PHC2: variants seen among roughly 807,000 people sequenced by gnomAD.
The protein encoded by PHC2 is polyhomeotic-like protein 2.
PHC2 carries 29 observed loss-of-function variants against 87.4 expected under a neutral mutation model. The observed-to-expected ratio is 0.33, with a 90% confidence interval of 0.25 to 0.45. PHC2 has a LOEUF of 0.45. Among genes scored for constraint, PHC2 ranks in the 20% least tolerant of loss-of-function variants. The pLI, the probability that PHC2 is intolerant of heterozygous loss-of-function variation, is 1.00. For synonymous variants in PHC2, 438 were observed against 461.7 expected (o/e 0.95, Z 0.66); for missense variants, 857 against 1,136.7 (o/e 0.75, Z 3.54).
At chr1:33,352,495 T>C (rs1337930286) in intron 9 of PHC2, among the ~76,000 whole-genome samples, 1 of 152,194 alleles carries the variant, frequency 6.6e-6, no homozygotes, top group Non-Finnish European at 1.5e-5. Context: ...CAGAGAGGGC[T>C]CAGTAAATAT....
At chr1:33,333,792 C>T (rs749923040) in intron 10 of PHC2, 1 of 345,426 alleles carries the variant, frequency 2.9e-6, no homozygotes, top group Non-Finnish European at 5.3e-6. Context: ...AAATATCCCA[C>T]AGTGAACTCC....
In PHC2 at chr1:33,334,414, A is replaced by C. The variant is rs1012068417; in HGVS notation, c.1559-122T>G. 5.1e-6 allele frequency: 4 copies of C among 786,932 alleles called. No homozygotes were observed. In the African/African-American group the frequency reaches 7.0e-5, roughly 14 times the overall value. 48.7% of individuals were successfully genotyped at this position (786,932 alleles called of 1,614,324 possible). On this transcript the variant is annotated intron_variant, in intron 9 of 14. Coordinates refer to ENST00000683057, the MANE Select transcript of PHC2 (RefSeq NM_001385109.1). This position sits in a 1 kb window ranked among gnomAD's most constrained non-coding sequence, Gnocchi z 5.5. ...TACCGTGGGGCCAAGCGACAATGCA[A>C]ACCAAGCAGTCCCCTCCCCTCAGTG...
rs1326564388 is a variant in PHC2 at position 33,332,908 on chromosome 1, G to C, written c.1762-504C>G. Among the ~76,000 whole-genome samples, 1 of 152,138 alleles carries C rather than the reference G, an allele frequency of 6.6e-6. No individual in the cohort carries two copies. The highest frequency in any genetic ancestry group is 1.5e-5 in the Non-Finnish European group (1 of 68,010). On this transcript the variant is annotated intron_variant, in intron 10 of 14. Transcript: ENST00000683057. This position sits in a 1 kb window ranked among gnomAD's most constrained non-coding sequence, Gnocchi z 4.2. ...AGTATAGCAGGAAAAAACAGACCCT[G>C]GGCCACAGAGCCAATGAACTCTCAG...
In PHC2 at chr1:33,324,095, CT is replaced by C. The variant is rs1382480241; in HGVS notation, c.*769del. 1 of 152,618 alleles carries C rather than the reference CT, an allele frequency of 6.6e-6. No individual in the cohort carries two copies. Among genetic ancestry groups the C allele is most frequent in the Non-Finnish European group, 1.5e-5 (1 of 68,174 alleles). 9.5% of individuals were successfully genotyped at this position (152,618 alleles called of 1,614,324 possible). On this transcript the variant is annotated 3_prime_UTR_variant, in exon 15 of 15. Coordinates refer to ENST00000683057, the MANE Select transcript of PHC2 (RefSeq NM_001385109.1). ...GGGAGGGGTGTCTGGAAAGGAAACT[CT>C]GAAGCGCCGTCTCTTTCTGACCTTG...
intron 1 of PHC2, among the ~76,000 whole-genome samples, chr1:33,401,054 T>C (rs1649501571): frequency 1.3e-5 from 2 of 152,114 alleles, no homozygotes; most frequent in Non-Finnish European, 2.9e-5. Context: ...GGGCCAGGCA[T>C]GGTGGCTCAC....
At chr1:33,329,769 G>C (rs889367153) in intron 13 of PHC2, among the ~76,000 whole-genome samples, 30 of 152,306 alleles carry the variant, frequency 2.0e-4, no homozygotes, top group African/African-American at 6.7e-4. Context: ...GAGGTTACCT[G>C]AGCAGCCCAG....
At chr1:33,370,322 A>T in intron 5 of PHC2, 99 bp downstream of exon 5, 1 of 1,173,358 alleles carries the variant, frequency 8.5e-7, no homozygotes, top group Non-Finnish European at 1.2e-6. Context: ...CCCTGCCCCT[A>T]GTGCTTCCTC....
At chr1:33,394,736 T>G (rs1649225427) in intron 1 of PHC2, among the ~76,000 whole-genome samples, 1 of 152,116 alleles carries the variant, frequency 6.6e-6, no homozygotes, top group Non-Finnish European at 1.5e-5. Flanking sequence ...TGGCTAATTT[T>G]TTATTTTTTA....
rs1265045913 is a variant in PHC2, at chr1:33,364,335, C to T, written c.976+2781G>A. Among the ~76,000 whole-genome samples the T allele has an allele frequency of 2.0e-5, 3 of 152,118 alleles. No homozygotes were observed. Among genetic ancestry groups the T allele is most frequent in the South Asian group, 2.1e-4 (1 of 4,820 alleles). ...CAATAACAAACAAAAAATGTGTGCG[C>T]GCTCGCTTGCTTTCTCTCTCCCAGA... is the stretch of plus-strand genomic sequence containing the variant. On this transcript the variant is annotated intron_variant, in intron 7 of 14. Transcript: ENST00000683057. This position sits in a 1 kb window ranked among gnomAD's most constrained non-coding sequence, Gnocchi z 4.1.
chr1:33,344,559 A>G lies in PHC2; in HGVS notation c.1558+9842T>C, dbSNP rs545370909. Among the ~76,000 whole-genome samples the G allele has an allele frequency of 7.9e-5, 12 of 152,336 alleles. No individual in the cohort carries two copies. The South Asian group carries it at 2.5e-3, about 32-fold the overall frequency. On this transcript the variant is annotated intron_variant, in intron 9 of 14. Transcript: ENST00000683057. ...CACCAGTCAACTGATAGAACAGATT[A>G]ATACTGATTACTGGAGGCCTCAAAA...
intron 1 of PHC2, among the ~76,000 whole-genome samples, chr1:33,390,480 TA>T (rs1648993583): frequency 6.6e-6 from 1 of 152,166 alleles, no homozygotes; most frequent in Non-Finnish European, 1.5e-5. Flanking sequence ...TGGTCAAGTA[TA>T]AAAGTCCATC....
chr1:33,346,230 G>A, intron 9 of PHC2: 1 of 984,856 alleles, frequency 1.0e-6, no homozygotes, highest in Non-Finnish European at 1.2e-6. Context: ...GGGGACTGGG[G>A]GGAGGTGGGG....
At chr1:33,370,383 G>A (rs957573625) in intron 5 of PHC2, 38 bp downstream of exon 5, 2 of 1,585,512 alleles carry the variant, frequency 1.3e-6, no homozygotes, top group East Asian at 4.5e-5. Flanking sequence ...CTGTCCTCCT[G>A]GTGCCTCTGA....
At chr1:33,379,866 C>T (rs932372945) in intron 1 of PHC2, among the ~76,000 whole-genome samples, 3 of 152,096 alleles carry the variant, frequency 2.0e-5, no homozygotes, top group Admixed American at 6.6e-5. Context: ...CAGTCTCCTG[C>T]CTCTGGCTCC....
At chr1:33,362,675 G>T (rs1333274380) in intron 7 of PHC2, among the ~76,000 whole-genome samples, 1 of 152,212 alleles carries the variant, frequency 6.6e-6, no homozygotes, top group Non-Finnish European at 1.5e-5. Flanking sequence ...ACACACAGAT[G>T]GTCACACGCG....
At chr1:33,341,573 C>T (rs1443810232) in intron 9 of PHC2, among the ~76,000 whole-genome samples, 1 of 152,180 alleles carries the variant, frequency 6.6e-6, no homozygotes, top group East Asian at 1.9e-4. Flanking sequence ...GAAAAGGAAA[C>T]AGCACATAAT....
At chr1:33,412,107 TA>T (rs1277895353) in intron 1 of PHC2, among the ~76,000 whole-genome samples, 1 of 151,976 alleles carries the variant, frequency 6.6e-6, no homozygotes, top group Non-Finnish European at 1.5e-5. Context: ...ATAAGGCAGG[TA>T]AAAAAAGGTT....
In PHC2 at chr1:33,332,484, G is replaced by A. The variant is rs780037920; in HGVS notation, c.1762-80C>T. 88 of 1,517,610 alleles carry A rather than the reference G, an allele frequency of 5.8e-5. No individual in the cohort carries two copies. Among genetic ancestry groups the A allele is most frequent in the East Asian group, 9.1e-5 (4 of 44,196 alleles). 94.0% of individuals were successfully genotyped at this position (1,517,610 alleles called of 1,614,324 possible). On this transcript the variant is annotated intron_variant, in intron 10 of 14. Coordinates refer to ENST00000683057, the MANE Select transcript of PHC2 (RefSeq NM_001385109.1). This position sits in a 1 kb window ranked among gnomAD's most constrained non-coding sequence, Gnocchi z 4.2. ...CTATCCATCCTCATCACAATTACACGTATAAAGTATCCAGGCACAGAGGCC... is the reference window on the plus strand; with the variant it reads ...CTATCCATCCTCATCACAATTACACATATAAAGTATCCAGGCACAGAGGCC...
At chr1:33,404,038 T>C (rs1649654075) in intron 1 of PHC2, among the ~76,000 whole-genome samples, 1 of 152,196 alleles carries the variant, frequency 6.6e-6, no homozygotes, top group South Asian at 2.1e-4. Flanking sequence ...ACATCAAAGA[T>C]TTAGATCTTC....
Sources: gnomAD v4.1 joint callset for allele counts (sites outside exome capture counted in the v4.1 genomes callset) on GRCh38, gnomAD v4.1.1 for gene constraint, Gnocchi (gnomAD v3.1) non-coding constraint, MANE v1.5 for transcripts, NCBI Gene and HGNC (gene_info 2026-07-23, HGNC 2026-07-21) for gene names.